GYG1: variants seen among roughly 807,000 people sequenced by gnomAD.
GYG1 encodes glycogenin 1, also known as glycogenin-1.
A neutral mutation model predicts 41.9 loss-of-function variants in GYG1; 44 were observed. The observed-to-expected ratio is 1.05, with a 90% CI of 0.83 to 1.35. GYG1 has a LOEUF of 1.35. Among genes scored for constraint, GYG1 ranks in the 40% most tolerant of loss-of-function variants. The pLI is 0.00. For synonymous variants in GYG1, 141 were observed against 158.1 expected, an observed-to-expected ratio of 0.89 and a Z score of 0.81; for missense variants, 429 against 418.9, an observed-to-expected ratio of 1.02 and a Z score of -0.21.
rs1267988345 is a variant in GYG1 at position 149,027,043 on chromosome 3, TAA to T, written c.*113_*114del. The stretch of plus-strand genomic sequence containing the variant: ...TGTTACAGTTGCTAGAGGTTTTCAT[TAA>T]AACTTATCAGATGAGAGGCTTTTTT... On this transcript the variant is annotated 3_prime_UTR_variant, in exon 8 of 8. Transcript: ENST00000345003. The T allele has an allele frequency of 3.3e-6, 4 of 1,198,582 alleles. No individual in the cohort carries two copies. The African/African-American group carries it at 4.5e-5, about 14-fold the overall frequency. 74.2% of individuals were successfully genotyped at this position (1,198,582 alleles called of 1,614,324 possible). A position where few individuals can be genotyped will look rare whatever the true frequency, so the allele number is the denominator to read the frequency against.
intron 6 of GYG1, among the ~76,000 whole-genome samples, 154 bp from the exon 7 acceptor site, chr3:149,026,298 G>A (rs755577564): frequency 3.9e-5 from 6 of 152,118 alleles, no homozygotes; most frequent in Admixed American, 3.9e-4. Flanking sequence ...TATGTGTTGC[G>A]GCTCTCTAGT....
chr3:149,021,912 C>G (rs867889074), intron 5 of GYG1, among the ~76,000 whole-genome samples: 1 of 152,000 alleles, frequency 6.6e-6, no homozygotes, highest in Non-Finnish European at 1.5e-5. Flanking sequence ...AGGTTCTGTC[C>G]CATTTTACTT....
At chr3:149,006,256 T>TG (rs1713401283) in intron 4 of GYG1, among the ~76,000 whole-genome samples, 1 of 152,032 alleles carries the variant, frequency 6.6e-6, no homozygotes, top group Admixed American at 6.6e-5. Flanking sequence ...CTAATTTTTG[T>TG]ATTTTTAGTA....
intron 5 of GYG1, among the ~76,000 whole-genome samples, chr3:149,013,317 C>CA (rs954691392): frequency 6.6e-5 from 10 of 151,478 alleles, no homozygotes; most frequent in Admixed American, 1.3e-4. Context: ...CATAGCACTG[C>CA]AAAAAAAATC....
At chr3:149,023,681 T>G (rs1714489052) in intron 5 of GYG1, among the ~76,000 whole-genome samples, 1 of 152,200 alleles carries the variant, frequency 6.6e-6, no homozygotes, top group African/African-American at 2.4e-5. Flanking sequence ...CACAGTGAAC[T>G]CAGTTTGATT....
Position 148,996,294 on chromosome 3 carries a change from T to A in GYG1, c.144-8T>A. The A allele has an allele frequency of 6.2e-7, 1 of 1,605,690 alleles. No homozygotes were observed. Among genetic ancestry groups the A allele is most frequent in the South Asian group, 1.1e-5 (1 of 90,852 alleles). On this transcript the variant is annotated splice_polypyrimidine_tract_variant and splice_region_variant and intron_variant, in intron 2 of 7. Coordinates refer to ENST00000345003, the MANE Select transcript of GYG1 (RefSeq NM_004130.4). The stretch of plus-strand genomic sequence containing the variant: ...CTAAGTGTGGTATTCTGGATTTTAT[T>A]TTGACAGAAAAGTTTTAGAGACAGT...
At chr3:149,015,024 CA>C (rs1713940379) in intron 5 of GYG1, among the ~76,000 whole-genome samples, 2 of 152,036 alleles carry the variant, frequency 1.3e-5, no homozygotes, top group African/African-American at 4.8e-5. Flanking sequence ...ACATAAAACC[CA>C]GGTTTCCAAT....
chr3:149,022,253 T>C (rs1714410554), intron 5 of GYG1, among the ~76,000 whole-genome samples: 1 of 152,188 alleles, frequency 6.6e-6, no homozygotes, highest in Admixed American at 6.5e-5. Context: ...GCTTTACTCC[T>C]ACTTTTTTAA....
chr3:149,030,043 G>A lies in GYG1; in HGVS notation c.*3110G>A, dbSNP rs1301113085. 6.6e-6 allele frequency: 1 copy of A among 152,126 alleles called. No homozygotes were observed. Among genetic ancestry groups the A allele is most frequent in the Non-Finnish European group, 1.5e-5 (1 of 67,996 alleles). The allele number at this position is 152,126 out of a possible 1,614,324, so 9.4% of individuals were successfully genotyped here. On this transcript the variant is annotated 3_prime_UTR_variant, in exon 8 of 8. Coordinates refer to ENST00000345003, the MANE Select transcript of GYG1 (RefSeq NM_004130.4). ...AATCTTCATGTACTCTCAAAAAAAT[G>A]TAACACTTGCATAGAAATGTCACAA...
At chr3:149,007,892 TCTC>T (rs1367614752) in intron 4 of GYG1, 1 of 151,534 alleles carries the variant, frequency 6.6e-6, no homozygotes, top group African/African-American at 2.5e-5. Flanking sequence ...TTTTCTGAAA[TCTC>T]ATGAGTCTAA....
chr3:148,991,563 C>G lies in GYG1; in HGVS notation c.-78C>G. The G allele has an allele frequency of 6.5e-7, 1 of 1,528,004 alleles. No homozygotes were observed. The highest frequency in any genetic ancestry group is 8.8e-7 in the Non-Finnish European group (1 of 1,142,576). The allele number at this position is 1,528,004 out of a possible 1,614,324, so 94.7% of individuals were successfully genotyped here. On this transcript the variant is annotated 5_prime_UTR_variant, in exon 1 of 8. Coordinates refer to ENST00000345003, the MANE Select transcript of GYG1 (RefSeq NM_004130.4). ...GTTCCCCGCCGTGCCTCCTCGCTGGCCGCGCTCCCTCCCGGTGCCGGCTTC... is the reference window on the plus strand; with the variant it reads ...GTTCCCCGCCGTGCCTCCTCGCTGGGCGCGCTCCCTCCCGGTGCCGGCTTC...
At chr3:148,994,109 T>G in intron 1 of GYG1, 33 bp from the exon 2 acceptor site, 1 of 1,602,318 alleles carries the variant, frequency 6.2e-7, no homozygotes, top group Non-Finnish European at 8.6e-7. Context: ...GATAAGATAC[T>G]GTAATGAGTG....
chr3:149,029,702 C>CAA lies in GYG1; in HGVS notation c.*2772_*2773dup, dbSNP rs1714849658. Among the ~76,000 whole-genome samples, 6 of 152,072 alleles carry CAA rather than the reference C, an allele frequency of 3.9e-5. No homozygotes were observed. ...ATACAGCAATGTCTTTGCCATTCCC[C>CAA]AAAACAAAGCACACACTGCCGAAGA... On this transcript the variant is annotated 3_prime_UTR_variant, in exon 8 of 8. Transcript: ENST00000345003.
intron 4 of GYG1, chr3:149,007,936 T>C (rs1332412548): frequency 6.6e-6 from 1 of 152,210 alleles, no homozygotes; most frequent in African/African-American, 2.4e-5. Context: ...TATGGAAGAA[T>C]GTGTCTTGTA....
At chr3:149,014,684 A>G (rs1014176016) in intron 5 of GYG1, among the ~76,000 whole-genome samples, 1 of 130,992 alleles carries the variant, frequency 7.6e-6, no homozygotes, top group African/African-American at 2.9e-5. Context: ...TGACACTACT[A>G]AAAAAAAAAA....
Position 149,031,085 on chromosome 3 carries a change from CTTCT to C in GYG1, c.*4155_*4158del, listed in dbSNP as rs538053074. The C allele has an allele frequency of 4.7e-3, 721 of 152,112 alleles. 5 individuals carry two copies. The highest frequency in any genetic ancestry group is 0.016 in the African/African-American group (677 of 41,522). The allele number at this position is 152,112 out of a possible 1,614,324, so 9.4% of individuals were successfully genotyped here. On this transcript the variant is annotated 3_prime_UTR_variant, in exon 8 of 8. Coordinates refer to ENST00000345003, the MANE Select transcript of GYG1 (RefSeq NM_004130.4). ...CCTAATCTGACTGCTAAATTTCTAG[CTTCT>C]TTGTTTTAAATATGCTCAGGAGTCA...
In GYG1 at chr3:149,028,106, G is replaced by A. The variant is rs190353773; in HGVS notation, c.*1173G>A. Among the ~76,000 whole-genome samples, 2 of 152,342 alleles carry A rather than the reference G, an allele frequency of 1.3e-5. No homozygotes were observed. Among genetic ancestry groups the A allele is most frequent in the East Asian group, 3.9e-4 (2 of 5,188 alleles). ...CTTTTAAAACTAAAATGAGTGGTCA[G>A]AAATGATTCTATGGAAGAAAACAGG... On this transcript the variant is annotated 3_prime_UTR_variant, in exon 8 of 8. Transcript: ENST00000345003.
intron 4 of GYG1, among the ~76,000 whole-genome samples, chr3:149,007,836 C>T (rs926369685): frequency 2.0e-5 from 3 of 152,168 alleles, no homozygotes; most frequent in Non-Finnish European, 2.9e-5. Context: ...GCACACACAT[C>T]GTGAACTCCT....
chr3:148,996,556 G>A lies in GYG1; in HGVS notation c.318+80G>A, dbSNP rs867175905. 35 of 1,330,500 alleles carry A rather than the reference G, an allele frequency of 2.6e-5. No homozygotes were observed. The African/African-American group carries it at 4.5e-4, about 17-fold the overall frequency. The allele number at this position is 1,330,500 out of a possible 1,614,324, so 82.4% of individuals were successfully genotyped here. On this transcript the variant is annotated intron_variant, in intron 3 of 7. Transcript: ENST00000345003. ...GACCTGTAGGCATTTGAGGAATGCT[G>A]TCAAGACTTGACGGTAAAGTTCAGA...
Sources: allele counts gnomAD v4.1 joint callset (sites outside exome capture counted in the v4.1 genomes callset), GRCh38; gene constraint gnomAD v4.1.1; transcripts MANE v1.5; gene names NCBI Gene and HGNC (gene_info 2026-07-23, HGNC 2026-07-21).